Variants in PDLIM5 observed in about 807,000 individuals in gnomAD.
PDLIM5 encodes the protein PDZ and LIM domain protein 5.
Under a neutral mutation model 64.2 loss-of-function variants are expected in PDLIM5, and 34 were observed. The ratio of observed to expected loss-of-function variants is 0.53; its 90% confidence interval spans 0.40 to 0.71. The LOEUF (loss-of-function observed/expected upper bound fraction) is 0.71. Among genes scored for constraint, PDLIM5 ranks in the 30% least tolerant of loss-of-function variants. The probability of loss-of-function intolerance (pLI) is 0.00; values close to 1 mark genes in which losing one functional copy is unlikely to be tolerated. For missense variants in PDLIM5, 683 were observed against 733.6 expected, an observed-to-expected ratio of 0.93 and a Z score of 0.80; for synonymous variants, 253 against 269.1, an observed-to-expected ratio of 0.94 and a Z score of 0.59.
rs375326590 is a variant in PDLIM5 at position 94,477,914 on chromosome 4, A to G, written c.96+22530A>G. The stretch of plus-strand genomic sequence containing the variant: ...CAGTTCCACTTAGTGAATAGTGAAT[A>G]TTTTTTCTCATGCTTTTTTAAAAGG... On this transcript the variant is annotated intron_variant, in intron 2 of 12. Transcript: ENST00000317968. Among the ~76,000 whole-genome samples, 85 of 152,124 alleles carry G rather than the reference A, an allele frequency of 5.6e-4. 1 individual carries two copies. The East Asian group carries it at 8.1e-3, about 15-fold the overall frequency.
At chr4:94,640,669 C>T (rs545588145) in intron 9 of PDLIM5, among the ~76,000 whole-genome samples, 24 of 151,940 alleles carry the variant, frequency 1.6e-4, no homozygotes, top group African/African-American at 5.6e-4. Flanking sequence ...GTACTAATTG[C>T]GTTCGTTATC....
At chr4:94,464,754 C>T (rs997249521) in intron 2 of PDLIM5, among the ~76,000 whole-genome samples, 5 of 152,136 alleles carry the variant, frequency 3.3e-5, no homozygotes, top group Non-Finnish European at 7.4e-5. Context: ...TTAGGGTAGA[C>T]GTTTCTGTTT....
intron 2 of PDLIM5, among the ~76,000 whole-genome samples, chr4:94,469,982 T>G (rs1578207168): frequency 1.4e-5 from 2 of 143,670 alleles, no homozygotes; most frequent in Non-Finnish European, 3.0e-5. Flanking sequence ...TTTTTTTTTT[T>G]TTGAGACAGA....
chr4:94,660,382 C>T (rs1323268954), intron 11 of PDLIM5, among the ~76,000 whole-genome samples: 1 of 152,058 alleles, frequency 6.6e-6, no homozygotes, highest in Non-Finnish European at 1.5e-5. Context: ...TTTTCTGCGG[C>T]GATTCCTCTA....
intron 11 of PDLIM5, among the ~76,000 whole-genome samples, chr4:94,661,772 G>C (rs1186308772): frequency 1.3e-5 from 2 of 150,502 alleles, no homozygotes; most frequent in Non-Finnish European, 3.0e-5. Context: ...GAAGTCCTTT[G>C]TATTTCTTCA....
At chr4:94,640,758 A>G (rs144136987) in intron 9 of PDLIM5, among the ~76,000 whole-genome samples, 1 of 152,274 alleles carries the variant, frequency 6.6e-6, no homozygotes, top group Non-Finnish European at 1.5e-5. Context: ...TAAGACTCAA[A>G]GGGACCCTGA....
At chr4:94,602,407 A>G (rs1228201290) in intron 7 of PDLIM5, among the ~76,000 whole-genome samples, 2 of 152,154 alleles carry the variant, frequency 1.3e-5, no homozygotes, top group Non-Finnish European at 2.9e-5. Context: ...GATGACCCAA[A>G]TTAACATTTT....
In PDLIM5 at chr4:94,664,901, G is replaced by A; in HGVS notation, c.*834G>A. 1.0e-6 allele frequency: 1 copy of A among 975,416 alleles called. No individual in the cohort carries two copies. 60.4% of individuals were successfully genotyped at this position (975,416 alleles called of 1,614,324 possible). ...AAAACTTTGCTTGTATATTATTTTT[G>A]CCTTACAGTGGATCATTCTAGTAGG... On this transcript the variant is annotated 3_prime_UTR_variant, in exon 13 of 13. Transcript: ENST00000317968.
intron 2 of PDLIM5, among the ~76,000 whole-genome samples, chr4:94,503,365 A>G (rs977341148): frequency 3.3e-5 from 5 of 152,222 alleles, no homozygotes; most frequent in Non-Finnish European, 7.3e-5. Context: ...TTAAATTATT[A>G]CTGCAAGAGG....
chr4:94,568,690 T>C (rs1451299308), intron 3 of PDLIM5, among the ~76,000 whole-genome samples: 2 of 152,186 alleles, frequency 1.3e-5, no homozygotes, highest in African/African-American at 4.8e-5. Context: ...ATTACAGCAA[T>C]AAGTTTTCTC....
intron 2 of PDLIM5, among the ~76,000 whole-genome samples, chr4:94,515,999 G>A (rs1164711870): frequency 6.6e-6 from 1 of 152,214 alleles, no homozygotes; most frequent in Non-Finnish European, 1.5e-5. Flanking sequence ...GACATATGTA[G>A]ATTAGCTATA....
At position 94,518,813 on chromosome 4, in the gene PDLIM5, G is replaced by A. The variant is rs192021571; in HGVS notation, c.97-4911G>A. Among the ~76,000 whole-genome samples, 12 of 152,210 alleles carry A rather than the reference G, an allele frequency of 7.9e-5. No homozygotes were observed. The East Asian group carries it at 2.3e-3, about 29-fold the overall frequency. ...CTGGATCTCACTTTCCAACACCGGG[G>A]ACATCTTTGTTTCCTCATGGTCTTG... On this transcript the variant is annotated intron_variant, in intron 2 of 12. Transcript: ENST00000317968.
chr4:94,501,369 C>T (rs1038883265), intron 2 of PDLIM5, among the ~76,000 whole-genome samples: 5 of 152,190 alleles, frequency 3.3e-5, no homozygotes, highest in Admixed American at 3.3e-4. Flanking sequence ...CAGGCGTGAG[C>T]TACTGTACCC....
In PDLIM5 at chr4:94,629,075, G is replaced by A. The variant is rs148205870; in HGVS notation, c.1108+10884G>A. On this transcript the variant is annotated intron_variant, in intron 8 of 12. Transcript: ENST00000317968. The stretch of plus-strand genomic sequence containing the variant: ...GATGATTTAGAAGATTCTGGGCCAG[G>A]CACAGTGGCCCATGCCTGTAATCCC... 5.1e-3 allele frequency among the ~76,000 whole-genome samples: 773 copies of A among 152,252 alleles called. 4 individuals are homozygous for A. Among genetic ancestry groups the A allele is most frequent in the African/African-American group, 0.017 (723 of 41,542 alleles).
intron 2 of PDLIM5, among the ~76,000 whole-genome samples, chr4:94,513,311 T>C (rs1007575390): frequency 6.6e-6 from 1 of 152,236 alleles, no homozygotes; most frequent in Non-Finnish European, 1.5e-5. Flanking sequence ...AATTTATAGA[T>C]TGCTTTGGGC....
chr4:94,500,329 A>G (rs1434330372), intron 2 of PDLIM5, among the ~76,000 whole-genome samples: 1 of 152,200 alleles, frequency 6.6e-6, no homozygotes, highest in African/African-American at 2.4e-5. Flanking sequence ...ATTTTTGAAA[A>G]GCTGTGAACT....
In PDLIM5 at chr4:94,501,371, A is replaced by G. The variant is rs369394689; in HGVS notation, c.97-22353A>G. Among the ~76,000 whole-genome samples, 147 of 152,268 alleles carry G rather than the reference A, an allele frequency of 9.7e-4. 3 individuals carry two copies. In the South Asian group the frequency reaches 0.028, roughly 29 times the overall value. On this transcript the variant is annotated intron_variant, in intron 2 of 12. Coordinates refer to ENST00000317968, the MANE Select transcript of PDLIM5 (RefSeq NM_006457.5). ...AGTGCTGGTATCACAGGCGTGAGCT[A>G]CTGTACCCTGCCTAATTTTATGGCA...
chr4:94,455,553 CA>C lies in PDLIM5; in HGVS notation c.96+171del, dbSNP rs2126071449. The C allele has an allele frequency of 6.2e-6, 4 of 644,600 alleles. No individual in the cohort carries two copies. In the East Asian group the frequency reaches 1.1e-4, roughly 18 times the overall value. The allele number at this position is 644,600 out of a possible 1,614,324, so 39.9% of individuals were successfully genotyped here. A position where few individuals can be genotyped will look rare whatever the true frequency, so the allele number is the denominator to read the frequency against. The stretch of plus-strand genomic sequence containing the variant: ...TAAAGGATGAGGGGAGTAGATTTAG[CA>C]AGGATAACTGACTTCAATTTAACTT... On this transcript the variant is annotated intron_variant, in intron 2 of 12. Coordinates refer to ENST00000317968, the MANE Select transcript of PDLIM5 (RefSeq NM_006457.5).
chr4:94,606,500 G>A (rs1365528048), intron 7 of PDLIM5, among the ~76,000 whole-genome samples: 2 of 152,164 alleles, frequency 1.3e-5, no homozygotes, highest in African/African-American at 4.8e-5. Context: ...GGGGATAGAA[G>A]CAGGGCCTAT....
Sources: gnomAD v4.1 joint callset for allele counts (sites outside exome capture counted in the v4.1 genomes callset) on GRCh38, gnomAD v4.1.1 for gene constraint, MANE v1.5 for transcripts, NCBI Gene and HGNC (gene_info 2026-07-23, HGNC 2026-07-21) for gene names.